Variants in NRXN3 observed in about 807,000 individuals in gnomAD.
NRXN3 encodes neurexin 3.
NRXN3 carries 32 observed loss-of-function variants against 137.6 expected under a neutral mutation model. That is an observed-to-expected ratio of 0.23 (90% CI 0.18 to 0.31). The LOEUF is 0.31. Among genes scored for constraint, NRXN3 ranks in the 10% least tolerant of loss-of-function variants. NRXN3 has a pLI of 1.00. For missense variants in NRXN3, 1,574 were observed against 2,062.5 expected (o/e 0.76, Z 4.59); for synonymous variants, 798 against 784.5 (o/e 1.02, Z -0.29).
intron 4 of NRXN3, among the ~76,000 whole-genome samples, chr14:78,610,634 C>T (rs942092788): frequency 2.0e-5 from 3 of 152,208 alleles, no homozygotes; most frequent in African/African-American, 4.8e-5. Context: ...AGAAAACATA[C>T]AGGTTGGGCA....
intron 15 of NRXN3, among the ~76,000 whole-genome samples, chr14:79,278,406 C>T (rs1358199790): frequency 6.6e-6 from 1 of 152,152 alleles, no homozygotes; most frequent in African/African-American, 2.4e-5. Flanking sequence ...TGGGTCAGTC[C>T]CCTCCTGGAG....
At chr14:78,351,138 G>C (rs1256830898) in intron 4 of NRXN3, among the ~76,000 whole-genome samples, 1 of 152,062 alleles carries the variant, frequency 6.6e-6, no homozygotes, top group Admixed American at 6.5e-5. Flanking sequence ...TCACAGAAAT[G>C]GTTTCTATAG....
At chr14:79,274,453 C>G (rs181153008) in intron 15 of NRXN3, among the ~76,000 whole-genome samples, 1 of 151,946 alleles carries the variant, frequency 6.6e-6, no homozygotes, top group East Asian at 1.9e-4. Flanking sequence ...TCCCTAAAAC[C>G]GGACAGAGAT....
chr14:78,759,201 C>T (rs1421219914), intron 8 of NRXN3, among the ~76,000 whole-genome samples: 2 of 152,146 alleles, frequency 1.3e-5, no homozygotes, highest in Non-Finnish European at 2.9e-5. Context: ...TAAAAAAGCT[C>T]ACACTCTGCC....
At chr14:79,731,063 T>C (rs1324385073) in intron 19 of NRXN3, among the ~76,000 whole-genome samples, 1 of 152,222 alleles carries the variant, frequency 6.6e-6, no homozygotes, top group African/African-American at 2.4e-5. Context: ...AGGAAGACAC[T>C]GCGGGTTGCT....
chr14:78,818,419 C>T (rs2098940996), intron 10 of NRXN3, among the ~76,000 whole-genome samples: 1 of 152,034 alleles, frequency 6.6e-6, no homozygotes, highest in African/African-American at 2.4e-5. Context: ...ATGCAAGGTA[C>T]AAGCCTAAAA....
intron 8 of NRXN3, among the ~76,000 whole-genome samples, chr14:78,733,282 G>T (rs530315316): frequency 1.3e-5 from 2 of 152,182 alleles, no homozygotes; most frequent in East Asian, 3.9e-4. Flanking sequence ...TAGGTTCAGG[G>T]CACAGGTATC....
intron 4 of NRXN3, among the ~76,000 whole-genome samples, chr14:78,516,688 G>A (rs2096212947): frequency 2.0e-5 from 3 of 152,174 alleles, no homozygotes; most frequent in South Asian, 4.1e-4. Flanking sequence ...GAGAATTTGT[G>A]TAAAAAGTAA....
chr14:79,834,025 G>T (rs1023469879), intron 20 of NRXN3, among the ~76,000 whole-genome samples: 2 of 144,540 alleles, frequency 1.4e-5, no homozygotes, highest in Non-Finnish European at 3.0e-5. Flanking sequence ...AAGAACGTTT[G>T]TGTTACAGCA....
intron 19 of NRXN3, among the ~76,000 whole-genome samples, chr14:79,711,119 G>A (rs769252616): frequency 1.1e-4 from 17 of 152,276 alleles, no homozygotes; most frequent in South Asian, 2.1e-4. Flanking sequence ...GACAGAAACC[G>A]TAAAGCAAGT....
chr14:78,460,777 T>C (rs1190902508), intron 4 of NRXN3, among the ~76,000 whole-genome samples: 1 of 151,704 alleles, frequency 6.6e-6, no homozygotes, highest in South Asian at 2.1e-4. Flanking sequence ...GACTAATGTA[T>C]TGGGAAGATG....
chr14:79,771,367 G>A (rs1400618471), intron 19 of NRXN3, among the ~76,000 whole-genome samples: 2 of 152,166 alleles, frequency 1.3e-5, no homozygotes, highest in South Asian at 4.2e-4. Context: ...ATTGATGCAA[G>A]AATCCTCAGT....
At chr14:78,792,765 CTA>C (rs2098809550) in intron 8 of NRXN3, among the ~76,000 whole-genome samples, 4 of 152,124 alleles carry the variant, frequency 2.6e-5, no homozygotes, top group Admixed American at 1.3e-4. Context: ...AAAACAATGT[CTA>C]TAAAATTGAG....
intron 4 of NRXN3, among the ~76,000 whole-genome samples, chr14:78,634,558 A>T (rs1251339219): frequency 6.6e-6 from 1 of 152,264 alleles, no homozygotes; most frequent in Non-Finnish European, 1.5e-5. Context: ...TTTCAAACAT[A>T]AAACATGTAG....
At chr14:79,058,756 G>A (rs539711342) in intron 15 of NRXN3, among the ~76,000 whole-genome samples, 47 of 152,120 alleles carry the variant, frequency 3.1e-4, no homozygotes, top group African/African-American at 8.7e-4. Context: ...GGAGGTGATC[G>A]GATCATGAGG....
intron 4 of NRXN3, 108 bp downstream of exon 4, chr14:78,297,968 C>T (rs924105304): frequency 2.3e-6 from 3 of 1,306,948 alleles, no homozygotes; most frequent in Admixed American, 2.0e-5. Flanking sequence ...GCTGCCTGTC[C>T]TTCCTGCGCT....
At chr14:78,891,044 A>T (rs1268341331) in intron 10 of NRXN3, among the ~76,000 whole-genome samples, 1 of 151,944 alleles carries the variant, frequency 6.6e-6, no homozygotes, top group Non-Finnish European at 1.5e-5. Context: ...TAACAGTTAC[A>T]TTTGTTAATT....
At chr14:78,468,594 A>G (rs1400920675) in intron 4 of NRXN3, among the ~76,000 whole-genome samples, 2 of 152,206 alleles carry the variant, frequency 1.3e-5, no homozygotes, top group Non-Finnish European at 2.9e-5. Context: ...GTGGCATTCT[A>G]TTGATTGAAA....
rs969165492 is a variant in NRXN3, at chr14:79,863,792, A to G, written c.*1828A>G. The G allele has an allele frequency of 2.0e-5, 3 of 152,636 alleles. No homozygotes were observed. The highest frequency in any genetic ancestry group is 2.9e-5 in the Non-Finnish European group (2 of 68,042). 9.5% of individuals were successfully genotyped at this position (152,636 alleles called of 1,614,324 possible). Reference sequence around the variant, plus strand: ...AAGTGTGTCCTCTGGAGGGTCAGATATACAATTTCTTTTGTACAGATGAAA... The same window carrying G: ...AAGTGTGTCCTCTGGAGGGTCAGATGTACAATTTCTTTTGTACAGATGAAA... On this transcript the variant is annotated 3_prime_UTR_variant, in exon 21 of 21. Transcript: ENST00000335750.
Sources: allele counts gnomAD v4.1 joint callset (sites outside exome capture counted in the v4.1 genomes callset), GRCh38; gene constraint gnomAD v4.1.1; transcripts MANE v1.5; gene names NCBI Gene and HGNC (gene_info 2026-07-23, HGNC 2026-07-21).